TASP1: variants seen among roughly 807,000 people sequenced by gnomAD.
TASP1 encodes the protein threonine aspartase 1.
TASP1 carries 16 observed loss-of-function variants against 56.6 expected under a neutral mutation model. The observed-to-expected ratio is 0.28, with a 90% confidence interval of 0.19 to 0.43. The LOEUF (loss-of-function observed/expected upper bound fraction) is 0.43. Among genes scored for constraint, TASP1 ranks in the 20% least tolerant of loss-of-function variants. The pLI, the probability that TASP1 is intolerant of heterozygous loss-of-function variation, is 1.00. For missense variants in TASP1, 393 were observed against 511.6 expected, an observed-to-expected ratio of 0.77 and a Z score of 2.24; for synonymous variants, 179 against 184.2, an observed-to-expected ratio of 0.97 and a Z score of 0.23.
At chr20:13,328,979 TAAAAAATTAAATAAAACC>T in the TASP1 span, among the ~76,000 whole-genome samples, 1 of 152,154 alleles carries the variant, frequency 6.6e-6, no homozygotes. Context: ...TTAAAAAGTT[TAAAAAATTAAATAAAACC>T]TAATTTTAAA....
the TASP1 span, among the ~76,000 whole-genome samples, chr20:13,246,167 G>C: frequency 6.6e-6 from 1 of 152,056 alleles, no homozygotes. Context: ...CAGCTACTCG[G>C]GAGGCTGAGG....
chr20:13,149,458 T>C, the TASP1 span, among the ~76,000 whole-genome samples: 1 of 152,232 alleles, frequency 6.6e-6, no homozygotes. Context: ...AGGTACAAAT[T>C]CCACCTCTGT....
chr20:13,279,128 T>C, the TASP1 span, among the ~76,000 whole-genome samples: 1 of 152,196 alleles, frequency 6.6e-6, no homozygotes, highest in Non-Finnish European at 1.5e-5. Context: ...GGGAGGTCTT[T>C]ACAAGAGTTA....
At chr20:13,597,705 T>G (rs965902123) in intron 4 of TASP1, among the ~76,000 whole-genome samples, 5 of 152,096 alleles carry the variant, frequency 3.3e-5, no homozygotes, top group African/African-American at 4.8e-5. Context: ...GAGAAAGAAA[T>G]AAAGGGTATT....
intron 11 of TASP1, among the ~76,000 whole-genome samples, chr20:13,482,368 T>C (rs1389325398): frequency 1.3e-5 from 2 of 152,172 alleles, no homozygotes; most frequent in Non-Finnish European, 2.9e-5. Flanking sequence ...TCTTTTTGCT[T>C]AGGACAGCTT....
At chr20:13,397,747 C>T (rs1030958895) in intron 13 of TASP1, among the ~76,000 whole-genome samples, 7 of 152,148 alleles carry the variant, frequency 4.6e-5, no homozygotes, top group African/African-American at 7.2e-5. Context: ...GTTTCTGGAT[C>T]GGGAAATCAC....
At chr20:13,632,339 T>C (rs2049124381) in intron 1 of TASP1, among the ~76,000 whole-genome samples, 1 of 136,904 alleles carries the variant, frequency 7.3e-6, no homozygotes, top group Non-Finnish European at 1.5e-5. Context: ...CACTCCGGCC[T>C]GGGCTACAGA....
chr20:13,481,887 G>A (rs571625166), intron 11 of TASP1, among the ~76,000 whole-genome samples: 1 of 152,056 alleles, frequency 6.6e-6, no homozygotes, highest in South Asian at 2.1e-4. Flanking sequence ...TCTTCACTTT[G>A]TTGTTCCCTT....
At chr20:13,436,648 T>C (rs919372212) in intron 11 of TASP1, among the ~76,000 whole-genome samples, 1 of 152,134 alleles carries the variant, frequency 6.6e-6, no homozygotes, top group African/African-American at 2.4e-5. Flanking sequence ...AACAGGGAGC[T>C]GAGGTGTAAG....
At chr20:13,147,927 T>C in the TASP1 span, among the ~76,000 whole-genome samples, 1 of 152,214 alleles carries the variant, frequency 6.6e-6, no homozygotes, top group Non-Finnish European at 1.5e-5. Flanking sequence ...GAAAACGAGA[T>C]TGCAAAGTCT....
chr20:13,338,763 G>A, the TASP1 span, among the ~76,000 whole-genome samples: 2 of 152,192 alleles, frequency 1.3e-5, no homozygotes, highest in Non-Finnish European at 2.9e-5. Context: ...CAAGAAAGAT[G>A]CAGTCCACCC....
the TASP1 span, among the ~76,000 whole-genome samples, chr20:13,343,888 G>A: frequency 6.8e-6 from 1 of 146,026 alleles, no homozygotes; most frequent in African/African-American, 2.6e-5. Flanking sequence ...AACCTGACTG[G>A]GCAGCCAGCC....
At chr20:13,333,694 T>C in the TASP1 span, among the ~76,000 whole-genome samples, 1 of 152,228 alleles carries the variant, frequency 6.6e-6, no homozygotes, top group South Asian at 2.1e-4. Flanking sequence ...AAAAAGTACA[T>C]ATTATAATGA....
chr20:13,519,993 G>A (rs933116660), intron 10 of TASP1, among the ~76,000 whole-genome samples: 1 of 152,126 alleles, frequency 6.6e-6, no homozygotes, highest in Non-Finnish European at 1.5e-5. Flanking sequence ...CAAACAGAGA[G>A]CCAAATCATG....
At chr20:13,250,052 A>G in the TASP1 span, among the ~76,000 whole-genome samples, 1 of 152,158 alleles carries the variant, frequency 6.6e-6, no homozygotes, top group Non-Finnish European at 1.5e-5. Flanking sequence ...GCTCACAGTG[A>G]ACAGAAGGGA....
intron 11 of TASP1, among the ~76,000 whole-genome samples, chr20:13,446,711 C>T (rs1397535718): frequency 3.3e-5 from 5 of 152,056 alleles, no homozygotes; most frequent in African/African-American, 1.2e-4. Flanking sequence ...AAACGGAGTT[C>T]TTTGTATATC....
At chr20:13,602,188 C>A (rs1423345127) in intron 4 of TASP1, among the ~76,000 whole-genome samples, 1 of 151,778 alleles carries the variant, frequency 6.6e-6, no homozygotes, top group East Asian at 1.9e-4. Flanking sequence ...CACCCATAAC[C>A]CCATTCTAAT....
the TASP1 span, among the ~76,000 whole-genome samples, chr20:13,106,954 G>A: frequency 6.6e-6 from 1 of 152,214 alleles, no homozygotes; most frequent in Admixed American, 6.5e-5. Flanking sequence ...GAGAGGAAAG[G>A]ACTGCAAAGT....
chr20:13,440,111 G>C (rs1291100706), intron 11 of TASP1, among the ~76,000 whole-genome samples: 1 of 152,134 alleles, frequency 6.6e-6, no homozygotes, highest in East Asian at 1.9e-4. Context: ...AGCAACACCT[G>C]AAGCTAAAAG....
Sources: gnomAD v4.1 joint callset for allele counts (sites outside exome capture counted in the v4.1 genomes callset) on GRCh38, gnomAD v4.1.1 for gene constraint, MANE v1.5 for transcripts, NCBI Gene and HGNC (gene_info 2026-07-23, HGNC 2026-07-21) for gene names.